Variants in PBX3 observed in about 807,000 individuals in gnomAD.
PBX3 encodes the protein pre-B-cell leukemia transcription factor 3.
In PBX3, 14 loss-of-function variants were observed where a neutral mutation model predicts 48.5. That is an observed-to-expected ratio of 0.29 (90% confidence interval 0.19 to 0.45). The LOEUF (loss-of-function observed/expected upper bound fraction) is 0.45, where lower values mean the gene tolerates loss of function less well. PBX3 is among the 20% of genes least tolerant of loss of function. The probability of loss-of-function intolerance (pLI) is 1.00; values close to 1 mark genes in which losing one functional copy is unlikely to be tolerated. For synonymous variants in PBX3, 210 were observed against 200.3 expected (o/e 1.05, Z -0.41); for missense variants, 386 against 546.7 (o/e 0.71, Z 2.93).
chr9:125,914,221 C>T (rs1229956451), intron 2 of PBX3, among the ~76,000 whole-genome samples: 1 of 152,034 alleles, frequency 6.6e-6, no homozygotes, highest in Non-Finnish European at 1.5e-5. Context: ...AATATATTGT[C>T]TTAGTATATT....
intron 3 of PBX3, among the ~76,000 whole-genome samples, chr9:125,921,771 A>G (rs886588225): frequency 6.6e-6 from 1 of 152,188 alleles, no homozygotes; most frequent in Non-Finnish European, 1.5e-5. Flanking sequence ...GTATTCGACT[A>G]GAGTTACTTG....
intron 2 of PBX3, among the ~76,000 whole-genome samples, chr9:125,771,502 A>G (rs1050259163): frequency 6.6e-6 from 1 of 152,202 alleles, no homozygotes; most frequent in African/African-American, 2.4e-5. Context: ...TGGCTTGTCA[A>G]AGATTAATAT....
intron 5 of PBX3, among the ~76,000 whole-genome samples, chr9:125,959,489 C>T (rs1842381147): frequency 6.6e-6 from 1 of 152,222 alleles, no homozygotes; most frequent in African/African-American, 2.4e-5. Flanking sequence ...TGCCAGGGCT[C>T]TCTGCTCCTT....
intron 2 of PBX3, among the ~76,000 whole-genome samples, chr9:125,805,929 A>G (rs1461255719): frequency 1.3e-5 from 2 of 152,220 alleles, no homozygotes; most frequent in Admixed American, 6.5e-5. Context: ...TTCTTATCCT[A>G]ATAGAGCTTA....
chr9:125,965,763 G>T, intron 8 of PBX3, 68 bp from the exon 9 acceptor site: 1 of 1,134,632 alleles, frequency 8.8e-7, no homozygotes. Flanking sequence ...TGTCATCCGG[G>T]TGTTTTAAAT....
At chr9:125,808,424 CCAA>C (rs1169799541) in intron 2 of PBX3, among the ~76,000 whole-genome samples, 1 of 152,008 alleles carries the variant, frequency 6.6e-6, no homozygotes, top group Non-Finnish European at 1.5e-5. Context: ...CCCTGTAATC[CCAA>C]CACGTTGGAA....
At chr9:125,911,616 T>C (rs757656932) in intron 2 of PBX3, among the ~76,000 whole-genome samples, 1 of 152,184 alleles carries the variant, frequency 6.6e-6, no homozygotes, top group Non-Finnish European at 1.5e-5. Flanking sequence ...GGCACTCTGC[T>C]AAAACATTTT....
At chr9:125,873,779 A>G (rs1840183488) in intron 2 of PBX3, among the ~76,000 whole-genome samples, 2 of 152,302 alleles carry the variant, frequency 1.3e-5, no homozygotes, top group South Asian at 4.1e-4. Flanking sequence ...AATAGAACCT[A>G]AAAGAACAGC....
chr9:125,927,236 T>C (rs1211937166), intron 3 of PBX3, among the ~76,000 whole-genome samples: 1 of 152,266 alleles, frequency 6.6e-6, no homozygotes, highest in Non-Finnish European at 1.5e-5. Flanking sequence ...TTATTAGGTA[T>C]GTATATTGCA....
chr9:125,948,914 G>A (rs970320530), intron 5 of PBX3, among the ~76,000 whole-genome samples: 1 of 152,064 alleles, frequency 6.6e-6, no homozygotes. Flanking sequence ...CTACAGACAT[G>A]AGCCACCATG....
chr9:125,962,087 C>T lies in PBX3; in HGVS notation c.1010-15C>T. ...AGCTCTCTGTTATTCAGCTACTTAACTCTTTCCTTTCCAGGTTCTTCTGGT... is the reference window on the plus strand; with the variant it reads ...AGCTCTCTGTTATTCAGCTACTTAATTCTTTCCTTTCCAGGTTCTTCTGGT... On this transcript the variant is annotated splice_polypyrimidine_tract_variant and intron_variant, in intron 6 of 8. Coordinates refer to ENST00000373489, the MANE Select transcript of PBX3 (RefSeq NM_006195.6). 1 of 1,363,440 alleles carries T rather than the reference C, an allele frequency of 7.3e-7. No homozygotes were observed. The highest frequency in any genetic ancestry group is 1.1e-6 in the Non-Finnish European group (1 of 952,132). The allele number at this position is 1,363,440 out of a possible 1,614,324, so 84.5% of individuals were successfully genotyped here.
chr9:125,949,231 T>C (rs1842135664), intron 5 of PBX3: 1 of 1,035,172 alleles, frequency 9.7e-7, no homozygotes, highest in Admixed American at 2.7e-5. Context: ...ATCTATAAAA[T>C]GAGAATAATG....
At chr9:125,882,198 A>C (rs948663374) in intron 2 of PBX3, among the ~76,000 whole-genome samples, 11 of 151,938 alleles carry the variant, frequency 7.2e-5, no homozygotes, top group Non-Finnish European at 1.6e-4. Context: ...GCATTGCAGC[A>C]TGGGGGACAG....
chr9:125,830,036 T>C (rs923528600), intron 2 of PBX3, among the ~76,000 whole-genome samples: 3 of 152,212 alleles, frequency 2.0e-5, no homozygotes, highest in African/African-American at 7.2e-5. Context: ...CGCGTCACTG[T>C]CTGCTGAGCT....
At chr9:125,776,396 G>T (rs996500455) in intron 2 of PBX3, among the ~76,000 whole-genome samples, 1 of 152,030 alleles carries the variant, frequency 6.6e-6, no homozygotes, top group African/African-American at 2.4e-5. Flanking sequence ...ATTCCATTTG[G>T]TCATAATGTG....
intron 2 of PBX3, among the ~76,000 whole-genome samples, chr9:125,893,630 A>G (rs1217428561): frequency 6.6e-6 from 1 of 152,190 alleles, no homozygotes; most frequent in African/African-American, 2.4e-5. Flanking sequence ...TTTTATTGTA[A>G]TGCATGTGCA....
In PBX3 at chr9:125,798,460, C is replaced by A. The variant is rs1837846345; in HGVS notation, c.274+49837C>A. The stretch of plus-strand genomic sequence containing the variant: ...TGATTGTTAAACCCCTACTAAGGAT[C>A]CTTTTCTTCTCTTCCTCTTATCCCC... On this transcript the variant is annotated intron_variant, in intron 2 of 8. Transcript: ENST00000373489. Among the ~76,000 whole-genome samples the A allele has an allele frequency of 2.0e-5, 3 of 151,998 alleles. No homozygotes were observed. The South Asian group carries it at 6.2e-4, about 32-fold the overall frequency.
intron 5 of PBX3, among the ~76,000 whole-genome samples, chr9:125,952,205 T>A (rs1168195962): frequency 6.6e-6 from 1 of 152,134 alleles, no homozygotes; most frequent in Non-Finnish European, 1.5e-5. Context: ...CAATGGAAAA[T>A]TTTTCTAAGA....
intron 5 of PBX3, among the ~76,000 whole-genome samples, chr9:125,948,720 G>GTATATA (rs386416228): frequency 4.0e-5 from 6 of 149,804 alleles, no homozygotes; most frequent in African/African-American, 1.5e-4. Context: ...GTGTGTGTGT[G>GTATATA]TATATATATA....
Sources: gnomAD v4.1 joint callset for allele counts (sites outside exome capture counted in the v4.1 genomes callset) on GRCh38, gnomAD v4.1.1 for gene constraint, MANE v1.5 for transcripts, NCBI Gene and HGNC (gene_info 2026-07-23, HGNC 2026-07-21) for gene names.